XIRP2: variants seen among roughly 807,000 people sequenced by gnomAD.
XIRP2 encodes xin actin binding repeat containing 2, also known as xin actin-binding repeat-containing protein 2.
In XIRP2, 236 loss-of-function variants were observed where a neutral mutation model predicts 277.0. The ratio of observed to expected loss-of-function variants is 0.85; its 90% CI spans 0.77 to 0.95. The LOEUF (loss-of-function observed/expected upper bound fraction) is 0.95, where lower values mean the gene tolerates loss of function less well. XIRP2 is among the 40% of genes least tolerant of loss of function. XIRP2 has a pLI of 0.00. For missense variants in XIRP2, 4,640 were observed against 4,157.5 expected, an observed-to-expected ratio of 1.12 and a Z score of -3.19; for synonymous variants, 1,490 against 1,416.5, an observed-to-expected ratio of 1.05 and a Z score of -1.17.
intron 2 of XIRP2, among the ~76,000 whole-genome samples, chr2:167,117,043 T>C (rs972542707): frequency 4.6e-5 from 7 of 152,202 alleles, no homozygotes; most frequent in Admixed American, 2.6e-4. Flanking sequence ...CTGTGAAATA[T>C]GTAGAGTTAG....
intron 2 of XIRP2, among the ~76,000 whole-genome samples, chr2:166,905,567 T>C (rs1206241132): frequency 2.6e-5 from 4 of 152,022 alleles, no homozygotes; most frequent in Admixed American, 6.6e-5. Context: ...GAGATTAGTT[T>C]AGTATATGTA....
At chr2:166,936,697 A>G (rs780700835) in intron 2 of XIRP2, among the ~76,000 whole-genome samples, 32 of 152,068 alleles carry the variant, frequency 2.1e-4, no homozygotes, top group Admixed American at 2.1e-3. Flanking sequence ...TGTTTTTGTC[A>G]GGTTTGTCAA....
Position 167,250,393 on chromosome 2 carries a change from A to C in XIRP2, c.9001A>C (p.Met3001Leu), listed in dbSNP as rs1695445440. Residue 3001 changes from methionine (M) to leucine (L), a missense_variant, in exon 9 of 11, where the codon ATG becomes CTG. Transcript: ENST00000409195. The stretch of plus-strand genomic sequence containing the variant: ...GAGAGAATATGCAGTTCACATTGCC[A>C]TGGAGAATAATTTAGAAAAAGTAAA... ...DKREYAVHIA[M>L]ENNLEKVKEE... is the part of the protein sequence containing the mutation. 1 of 1,613,526 alleles carries C rather than the reference A, an allele frequency of 6.2e-7. No homozygotes were observed.
intron 1 of XIRP2, among the ~76,000 whole-genome samples, chr2:166,901,129 T>A (rs1008935595): frequency 6.6e-6 from 1 of 152,080 alleles, no homozygotes; most frequent in African/African-American, 2.4e-5. Flanking sequence ...TGTCCTGTCT[T>A]TCTAGGCTGA....
intron 2 of XIRP2, among the ~76,000 whole-genome samples, chr2:167,054,473 C>G (rs1688993953): frequency 6.6e-6 from 1 of 152,158 alleles, no homozygotes; most frequent in Non-Finnish European, 1.5e-5. Context: ...CACTTGAGGT[C>G]AGGAGTTCGA....
chr2:167,156,986 A>G (rs577067922), intron 3 of XIRP2, among the ~76,000 whole-genome samples: 2 of 152,212 alleles, frequency 1.3e-5, no homozygotes, highest in East Asian at 1.9e-4. Flanking sequence ...TTTTTTTTCA[A>G]TTCAATCTAA....
At chr2:167,176,052 G>A (rs1359861167) in intron 3 of XIRP2, among the ~76,000 whole-genome samples, 2 of 152,148 alleles carry the variant, frequency 1.3e-5, no homozygotes, top group African/African-American at 4.8e-5. Context: ...AGTTTGCTGG[G>A]TTCCATGGGG....
chr2:167,093,274 TTA>T (rs143899442), intron 2 of XIRP2, among the ~76,000 whole-genome samples: 20 of 150,440 alleles, frequency 1.3e-4, no homozygotes, highest in African/African-American at 2.2e-4. Context: ...GTATGTTTGA[TTA>T]TATATATATA....
intron 3 of XIRP2, among the ~76,000 whole-genome samples, chr2:167,142,867 G>T (rs1691760089): frequency 1.3e-5 from 2 of 152,046 alleles, no homozygotes; most frequent in Non-Finnish European, 2.9e-5. Context: ...AAGGATTAGG[G>T]CATGGCTAAA....
intron 3 of XIRP2, among the ~76,000 whole-genome samples, chr2:167,181,237 C>T (rs1474301473): frequency 6.6e-6 from 1 of 152,112 alleles, no homozygotes; most frequent in African/African-American, 2.4e-5. Flanking sequence ...ATTGGTGAGC[C>T]CACCTAGTTT....
At chr2:167,041,345 C>G (rs1688657018) in intron 2 of XIRP2, among the ~76,000 whole-genome samples, 1 of 152,162 alleles carries the variant, frequency 6.6e-6, no homozygotes, top group South Asian at 2.1e-4. Context: ...AAATGACAGA[C>G]ATAGAATCCA....
chr2:167,100,170 TA>T (rs960252986), intron 2 of XIRP2, among the ~76,000 whole-genome samples: 22 of 149,132 alleles, frequency 1.5e-4, no homozygotes, highest in Middle Eastern at 3.5e-3. Context: ...AAAAAAAAAT[TA>T]AAAAAAAATT....
chr2:167,009,948 A>G (rs566448017), intron 2 of XIRP2, among the ~76,000 whole-genome samples: 63 of 151,864 alleles, frequency 4.1e-4, no homozygotes, highest in African/African-American at 1.2e-3. Context: ...TGAGTTCATT[A>G]TAGATTCTGG....
chr2:167,017,390 A>G (rs1438457041), intron 2 of XIRP2, among the ~76,000 whole-genome samples: 1 of 152,032 alleles, frequency 6.6e-6, no homozygotes, highest in African/African-American at 2.4e-5. Context: ...TTCACCATGT[A>G]TTCCTCTCTG....
chr2:167,133,833 T>C (rs1426581450), intron 2 of XIRP2, among the ~76,000 whole-genome samples: 2 of 152,214 alleles, frequency 1.3e-5, no homozygotes, highest in African/African-American at 2.4e-5. Context: ...GAGATAAGGA[T>C]GTTATACTCG....
intron 2 of XIRP2, among the ~76,000 whole-genome samples, chr2:167,047,139 T>C (rs1688805669): frequency 6.6e-6 from 1 of 151,766 alleles, no homozygotes; most frequent in Non-Finnish European, 1.5e-5. Flanking sequence ...AATCGAAGTG[T>C]AAGATTTGGA....
chr2:167,077,241 G>A (rs561257253), intron 2 of XIRP2, among the ~76,000 whole-genome samples: 1 of 152,210 alleles, frequency 6.6e-6, no homozygotes, highest in African/African-American at 2.4e-5. Flanking sequence ...ACATGAATGG[G>A]TATTCAGGTG....
chr2:167,253,696 T>A (rs1366248828), intron 9 of XIRP2, among the ~76,000 whole-genome samples: 4 of 151,662 alleles, frequency 2.6e-5, no homozygotes, highest in Admixed American at 6.6e-5. Flanking sequence ...TATATATATA[T>A]AAAAAATATA....
chr2:167,060,572 C>T lies in XIRP2; in HGVS notation c.409-75337C>T, dbSNP rs1004900346. Among the ~76,000 whole-genome samples the T allele has an allele frequency of 3.9e-5, 6 of 151,982 alleles. No homozygotes were observed. In the South Asian group the frequency reaches 1.2e-3, roughly 31 times the overall value. The stretch of plus-strand genomic sequence containing the variant: ...GGTTCATTCTTTTGAGTATAAATAT[C>T]CAATTGACTCAGTATCATTTATTGA... On this transcript the variant is annotated intron_variant, in intron 2 of 10. Transcript: ENST00000409195.
Sources: gnomAD v4.1 joint callset for allele counts (sites outside exome capture counted in the v4.1 genomes callset) on GRCh38, gnomAD v4.1.1 for gene constraint, MANE v1.5 for transcripts, NCBI Gene and HGNC (gene_info 2026-07-23, HGNC 2026-07-21) for gene names.